The following YEATS2 variants were observed in gnomAD, a reference collection of about 807,000 sequenced individuals.
The protein encoded by YEATS2 is YEATS domain-containing protein 2.
A neutral mutation model predicts 163.2 loss-of-function variants in YEATS2; 77 were observed. The ratio of observed to expected loss-of-function variants is 0.47; its 90% CI spans 0.39 to 0.57. YEATS2 has a LOEUF of 0.57. YEATS2 is among the 20% of genes least tolerant of loss of function. The pLI, the probability that YEATS2 is intolerant of heterozygous loss-of-function variation, is 0.00. For missense variants in YEATS2, 1,549 were observed against 1,729.8 expected (o/e 0.90, Z 1.85); for synonymous variants, 631 against 645.1 (o/e 0.98, Z 0.33).
chr3:183,805,401 A>G (rs1726088024), intron 27 of YEATS2, among the ~76,000 whole-genome samples: 1 of 152,118 alleles, frequency 6.6e-6, no homozygotes, highest in Non-Finnish European at 1.5e-5. Context: ...CCCTGTCTCA[A>G]TAAAATAAAA....
chr3:183,754,327 C>G lies in YEATS2; in HGVS notation c.1352C>G (p.Ser451Cys). 6.2e-7 allele frequency: 1 copy of G among 1,614,000 alleles called. No individual in the cohort carries two copies. The highest frequency in any genetic ancestry group is 8.5e-7 in the Non-Finnish European group (1 of 1,179,910). ...CCTAATCCTGAGTCACCTGGAAAATCCTTCCAGCCCATCACCATGAGCTGC... is the reference window on the plus strand; with the variant it reads ...CCTAATCCTGAGTCACCTGGAAAATGCTTCCAGCCCATCACCATGAGCTGC... Reference protein sequence around the residue: ...QVPNPESPGKSFQPITMSCKI... With the variant: ...QVPNPESPGKCFQPITMSCKI... The change falls in exon 11 of 31, where the codon TCC (serine) becomes TGC (cysteine). Residue 451 changes from serine (S) to cysteine (C), a missense_variant. Ser to Cys is a moderately radical substitution (Grantham distance 112). Coordinates refer to ENST00000305135, the MANE Select transcript of YEATS2 (RefSeq NM_018023.5).
intron 1 of YEATS2, among the ~76,000 whole-genome samples, chr3:183,704,144 C>G (rs1300827544): frequency 1.7e-4 from 25 of 148,852 alleles, no homozygotes; most frequent in Non-Finnish European, 3.3e-4. Context: ...GAGTGAGACT[C>G]CATCTCAAAA....
intron 1 of YEATS2, among the ~76,000 whole-genome samples, chr3:183,701,075 A>G (rs1438930941): frequency 6.7e-6 from 1 of 150,024 alleles, no homozygotes; most frequent in Admixed American, 6.7e-5. Context: ...GTGTGTGTAT[A>G]TATATATAAA....
In YEATS2 at chr3:183,810,587, G is replaced by A. The variant is rs1726711893; in HGVS notation, c.*4G>A. The A allele has an allele frequency of 3.7e-6, 6 of 1,612,904 alleles. No homozygotes were observed. Among genetic ancestry groups the A allele is most frequent in the Non-Finnish European group, 5.1e-6 (6 of 1,179,030 alleles). ...AATATTGAATGAGGACCAGTGAGCG[G>A]AGTGAGGTGCCCTGGAGAAGCAGGC... On this transcript the variant is annotated 3_prime_UTR_variant, in exon 31 of 31. Coordinates refer to ENST00000305135, the MANE Select transcript of YEATS2 (RefSeq NM_018023.5).
At chr3:183,713,930 G>T (rs1715537962) in intron 1 of YEATS2, among the ~76,000 whole-genome samples, 1 of 151,802 alleles carries the variant, frequency 6.6e-6, no homozygotes, top group African/African-American at 2.4e-5. Flanking sequence ...CTCAGCTCCT[G>T]AGTAGCTGGG....
intron 5 of YEATS2, among the ~76,000 whole-genome samples, chr3:183,723,123 G>A (rs971057515): frequency 1.3e-5 from 2 of 152,198 alleles, no homozygotes; most frequent in African/African-American, 4.8e-5. Flanking sequence ...GTTCTTCAAC[G>A]GTTTCCTCTG....
intron 9 of YEATS2, among the ~76,000 whole-genome samples, chr3:183,750,911 C>T (rs1346923835): frequency 6.6e-6 from 1 of 152,138 alleles, no homozygotes; most frequent in African/African-American, 2.4e-5. Flanking sequence ...TGCCTTTTCA[C>T]TCTGTTGATT....
chr3:183,765,423 A>G (rs554435627), intron 15 of YEATS2, among the ~76,000 whole-genome samples: 7 of 152,326 alleles, frequency 4.6e-5, no homozygotes, highest in Non-Finnish European at 8.8e-5. Flanking sequence ...TGGTAAATGT[A>G]AGGTTGGAGG....
At chr3:183,712,312 G>A (rs1034713706) in intron 1 of YEATS2, among the ~76,000 whole-genome samples, 1 of 151,040 alleles carries the variant, frequency 6.6e-6, no homozygotes, top group East Asian at 1.9e-4. Context: ...GGGTTCAAGC[G>A]ATTCTCATGC....
chr3:183,797,804 C>T, intron 21 of YEATS2, 119 bp from the exon 22 acceptor site: 1 of 1,285,918 alleles, frequency 7.8e-7, no homozygotes, highest in Non-Finnish European at 1.1e-6. Flanking sequence ...TCTTTGTTTA[C>T]TGGAAGGTTA....
chr3:183,751,338 A>G (rs967967637), intron 9 of YEATS2, among the ~76,000 whole-genome samples: 5 of 152,192 alleles, frequency 3.3e-5, no homozygotes, highest in African/African-American at 1.2e-4. Flanking sequence ...ATGGCTTTGT[A>G]ATAAATTTTG....
At chr3:183,741,698 C>G (rs1381833405) in intron 8 of YEATS2, among the ~76,000 whole-genome samples, 1 of 151,714 alleles carries the variant, frequency 6.6e-6, no homozygotes, top group Non-Finnish European at 1.5e-5. Flanking sequence ...AGGAGAATCA[C>G]TTGAACCCAG....
rs1412784061 is a variant in YEATS2, at chr3:183,800,526, T to C, written c.3386T>C (p.Val1129Ala). Reference protein sequence around the residue: ...SCLSQEGQTAVKTEESSELGN... With the variant: ...SCLSQEGQTAAKTEESSELGN... Reference sequence around the variant, plus strand: ...CTCTCTCAGGAGGGTCAGACAGCAGTGAAAACAGAAGAAAGTTCTGAGCTG... The same window carrying C: ...CTCTCTCAGGAGGGTCAGACAGCAGCGAAAACAGAAGAAAGTTCTGAGCTG... Residue 1129 changes from valine to alanine, a missense_variant, in exon 24 of 31, where the codon GTG (valine) becomes GCG (alanine). Coordinates refer to ENST00000305135, the MANE Select transcript of YEATS2 (RefSeq NM_018023.5). 3.7e-6 allele frequency: 6 copies of C among 1,614,028 alleles called. No homozygotes were observed. The South Asian group carries it at 6.6e-5, about 18-fold the overall frequency.
intron 1 of YEATS2, among the ~76,000 whole-genome samples, chr3:183,702,341 A>T (rs1274575745): frequency 1.3e-5 from 2 of 152,096 alleles, no homozygotes. Context: ...GCTACTTGGG[A>T]GGCTGTGGCT....
chr3:183,772,319 A>C lies in YEATS2; in HGVS notation c.1962A>C (p.Pro654=). The C allele has an allele frequency of 1.2e-6, 2 of 1,613,952 alleles. No individual in the cohort carries two copies. The change falls in exon 16 of 31, where the codon CCA becomes CCC. Residue 654 remains proline (P), a synonymous_variant. Transcript: ENST00000305135. ...KVQPSKVVGV[P]VGSALPSTVK... ...GTTTTGAACAGGTTGTCGGGGTACC[A>C]GTTGGGTCTGCTTTACCTTCAACAG...
At chr3:183,803,855 A>G in intron 26 of YEATS2, 132 bp from the exon 27 acceptor site, 1 of 898,876 alleles carries the variant, frequency 1.1e-6, no homozygotes, top group Non-Finnish European at 1.7e-6. Context: ...GAGTAACACA[A>G]CCAGGTTTTT....
intron 19 of YEATS2, among the ~76,000 whole-genome samples, chr3:183,778,574 T>C (rs1292786000): frequency 1.3e-5 from 2 of 152,166 alleles, no homozygotes; most frequent in Non-Finnish European, 2.9e-5. Context: ...CAGGCTGGTC[T>C]CCAGCTCGTG....
chr3:183,759,866 C>T (rs1425238269), intron 13 of YEATS2, among the ~76,000 whole-genome samples: 2 of 152,190 alleles, frequency 1.3e-5, no homozygotes, highest in African/African-American at 2.4e-5. Flanking sequence ...CATCCTAAGT[C>T]GGGGAGCATC....
At chr3:183,786,440 T>A in intron 20 of YEATS2, 139 bp downstream of exon 20, 1 of 841,296 alleles carries the variant, frequency 1.2e-6, no homozygotes, top group South Asian at 1.9e-5. Context: ...AATATTCACA[T>A]ACCATAAAAG....
Sources: allele counts gnomAD v4.1 joint callset (sites outside exome capture counted in the v4.1 genomes callset), GRCh38; gene constraint gnomAD v4.1.1; transcripts MANE v1.5; gene names NCBI Gene and HGNC (gene_info 2026-07-23, HGNC 2026-07-21).